MARK3: variants seen among roughly 807,000 people sequenced by gnomAD.
MARK3 encodes MAP/microtubule affinity-regulating kinase 3.
MARK3 carries 46 observed loss-of-function variants against 90.1 expected under a neutral mutation model. That is an observed-to-expected ratio of 0.51 (90% confidence interval 0.40 to 0.65). The LOEUF is 0.65. Among genes scored for constraint, MARK3 ranks in the 30% least tolerant of loss-of-function variants. The pLI is 0.00. For synonymous variants in MARK3, 321 were observed against 332.6 expected (o/e 0.97, Z 0.38); for missense variants, 818 against 947.2 (o/e 0.86, Z 1.79).
chr14:103,498,489 T>A lies in MARK3; in HGVS notation c.1845-13T>A. On this transcript the variant is annotated splice_polypyrimidine_tract_variant and intron_variant, in intron 15 of 17. Transcript: ENST00000429436. ...TTGTTAATTTTTTTTTTTTTTTACTTAATTTCTTTTAGAAACATGTCATTC... is the reference window on the plus strand; with the variant it reads ...TTGTTAATTTTTTTTTTTTTTTACTAAATTTCTTTTAGAAACATGTCATTC... 7.5e-7 allele frequency: 1 copy of A among 1,328,662 alleles called. No homozygotes were observed. The highest frequency in any genetic ancestry group is 1.7e-5 in the South Asian group (1 of 59,998). 82.3% of individuals were successfully genotyped at this position (1,328,662 alleles called of 1,614,324 possible).
At chr14:103,413,034 C>T (rs1027742070) in intron 2 of MARK3, among the ~76,000 whole-genome samples, 1 of 151,736 alleles carries the variant, frequency 6.6e-6, no homozygotes, top group African/African-American at 2.4e-5. Flanking sequence ...ACCACCATGC[C>T]CGGCTAATTT....
intron 17 of MARK3, among the ~76,000 whole-genome samples, chr14:103,502,023 AATTGAG>A (rs2075695543): frequency 6.6e-6 from 1 of 152,206 alleles, no homozygotes; most frequent in Non-Finnish European, 1.5e-5. Context: ...TCACTGTCTT[AATTGAG>A]GCCACCAGAT....
chr14:103,481,859 C>T (rs985552048), intron 14 of MARK3, among the ~76,000 whole-genome samples: 2 of 142,984 alleles, frequency 1.4e-5, no homozygotes, highest in South Asian at 4.6e-4. Flanking sequence ...CTCCGCCTCC[C>T]GGGTTCACGC....
intron 17 of MARK3, 126 bp from the exon 18 acceptor site, chr14:103,502,756 T>C (rs370026487): frequency 1.3e-4 from 94 of 702,248 alleles, no homozygotes; most frequent in Middle Eastern, 8.9e-4. Context: ...TGTGAGTCTG[T>C]GCAGGAAAAT....
At position 103,478,349 on chromosome 14, in the gene MARK3, T is replaced by G. The variant is rs2093754991; in HGVS notation, c.1483-2038T>G. ...CCCTTAAGTAATCACTTTCCATTCC[T>G]CCTCTCCCCTCTGCCCCCCTCCCTT... On this transcript the variant is annotated intron_variant, in intron 13 of 17. Transcript: ENST00000429436. Among the ~76,000 whole-genome samples, 3 of 147,140 alleles carry G rather than the reference T, an allele frequency of 2.0e-5. No individual in the cohort carries two copies. The South Asian group carries it at 6.7e-4, about 33-fold the overall frequency.
rs961046942 is a variant in MARK3 at position 103,457,842 on chromosome 14, A to G, written c.483+630A>G. ...GACTGTTATATCCATTTGCTAAAAA[A>G]TAAGACAACTGAGACATGGGAAGAT... On this transcript the variant is annotated intron_variant, in intron 6 of 17. Transcript: ENST00000429436. Among the ~76,000 whole-genome samples the G allele has an allele frequency of 1.9e-4, 29 of 152,246 alleles. 1 individual carries two copies. Among genetic ancestry groups the G allele is most frequent in the Admixed American group, 1.4e-3 (22 of 15,278 alleles).
intron 3 of MARK3, among the ~76,000 whole-genome samples, chr14:103,433,987 G>C (rs2092654413): frequency 6.6e-6 from 1 of 152,096 alleles, no homozygotes; most frequent in Admixed American, 6.6e-5. Flanking sequence ...ATCATTTTGA[G>C]TTTCCCGTTT....
chr14:103,391,740 T>G (rs2090266230), intron 1 of MARK3, among the ~76,000 whole-genome samples: 2 of 112,304 alleles, frequency 1.8e-5, no homozygotes, highest in African/African-American at 3.4e-5. Context: ...TTTTTTTTAG[T>G]AGAGATGGGG....
intron 1 of MARK3, among the ~76,000 whole-genome samples, chr14:103,401,255 G>A (rs756962886): frequency 2.6e-5 from 4 of 152,212 alleles, no homozygotes; most frequent in African/African-American, 4.8e-5. Context: ...TAAGGACTTC[G>A]TCAAGAAACA....
intron 12 of MARK3, among the ~76,000 whole-genome samples, chr14:103,468,970 C>T (rs1391819707): frequency 9.2e-5 from 14 of 151,762 alleles, no homozygotes; most frequent in Non-Finnish European, 1.5e-5. Context: ...AACTGCTAGT[C>T]TGTAGTTCTA....
At chr14:103,446,710 C>CTTTTTTTTTTTTTTTTT (rs746523547) in intron 3 of MARK3, among the ~76,000 whole-genome samples, 3 of 98,048 alleles carry the variant, frequency 3.1e-5, no homozygotes, top group African/African-American at 1.6e-4. Context: ...AGATTGTTGT[C>CTTTTTTTTTTTTTTTTT]TTTTTTTTTT....
At chr14:103,498,437 T>A in intron 15 of MARK3, 65 bp from the exon 16 acceptor site, 1 of 1,135,902 alleles carries the variant, frequency 8.8e-7, no homozygotes, top group Non-Finnish European at 1.2e-6. Flanking sequence ...TTGATTAGAT[T>A]TTCTGTTTAA....
At chr14:103,405,585 C>G (rs573005107) in intron 2 of MARK3, among the ~76,000 whole-genome samples, 2 of 152,210 alleles carry the variant, frequency 1.3e-5, no homozygotes, top group African/African-American at 4.8e-5. Context: ...TTGTGATCCG[C>G]CCGTCTCGGC....
At chr14:103,388,024 C>T (rs527878677) in intron 1 of MARK3, among the ~76,000 whole-genome samples, 18 of 152,236 alleles carry the variant, frequency 1.2e-4, no homozygotes, top group Middle Eastern at 3.4e-3. Context: ...CTCCGCCTCC[C>T]GGGTTCAAGT....
chr14:103,480,542 G>A, intron 14 of MARK3, 52 bp downstream of exon 14: 2 of 1,086,774 alleles, frequency 1.8e-6, no homozygotes, highest in Non-Finnish European at 2.8e-6. Flanking sequence ...AAGAGAAATG[G>A]AAGCATGTTA....
chr14:103,423,384 C>T (rs771762917), intron 2 of MARK3, among the ~76,000 whole-genome samples: 13 of 152,004 alleles, frequency 8.6e-5, no homozygotes, highest in Non-Finnish European at 1.8e-4. Context: ...GCTGTCCCAT[C>T]CCTATTTTGT....
At chr14:103,470,652 C>G (rs2093611118) in intron 12 of MARK3, among the ~76,000 whole-genome samples, 1 of 151,554 alleles carries the variant, frequency 6.6e-6, no homozygotes, top group Admixed American at 6.6e-5. Context: ...GACGGGGTTT[C>G]ACCACATTTG....
chr14:103,465,671 G>A lies in MARK3; in HGVS notation c.655G>A (p.Ala219Thr). 1.9e-6 allele frequency: 3 copies of A among 1,614,052 alleles called. No homozygotes were observed. Among genetic ancestry groups the A allele is most frequent in the South Asian group, 1.1e-5 (1 of 91,076 alleles). Residue 219 changes from alanine to threonine, a missense_variant, in exon 8 of 18, where the codon GCA (alanine) becomes ACA (threonine). Around this residue, in one of 3 missense-constraint regions of MARK3, gnomAD observed 101 missense variants for 175.1 expected, o/e 0.58. Transcript: ENST00000429436. Reference protein sequence around the residue: ...LDTFCGSPPYAAPELFQGKKY... With the variant: ...LDTFCGSPPYTAPELFQGKKY... ...CACGTTTTGTGGCAGTCCTCCATAC[G>A]CAGCACCTGAGCTCTTCCAGGGCAA...
chr14:103,452,042 C>A, intron 5 of MARK3, 59 bp downstream of exon 5: 1 of 1,121,994 alleles, frequency 8.9e-7, no homozygotes, highest in South Asian at 1.3e-5. Flanking sequence ...AAAAAATACA[C>A]AACCATACTG....
Sources: allele counts gnomAD v4.1 joint callset (sites outside exome capture counted in the v4.1 genomes callset), GRCh38; gene constraint gnomAD v4.1.1; regional missense constraint gnomAD v4.1.1; transcripts MANE v1.5; gene names NCBI Gene and HGNC (gene_info 2026-07-23, HGNC 2026-07-21).